NCOA2: variants seen among roughly 807,000 people sequenced by gnomAD.
NCOA2 encodes the protein class E basic helix-loop-helix protein 75.
Under a neutral mutation model 145.1 loss-of-function variants are expected in NCOA2, and 21 were observed. The ratio of observed to expected loss-of-function variants is 0.14; its 90% CI spans 0.10 to 0.21. The LOEUF is 0.21. NCOA2 is among the 10% of genes least tolerant of loss of function. The pLI, the probability that NCOA2 is intolerant of heterozygous loss-of-function variation, is 1.00. For synonymous variants in NCOA2, 619 were observed against 637.5 expected (o/e 0.97, Z 0.44); for missense variants, 1,472 against 1,837.6 (o/e 0.80, Z 3.64).
intron 2 of NCOA2, among the ~76,000 whole-genome samples, chr8:70,258,465 T>C (rs891534009): frequency 6.6e-6 from 1 of 151,624 alleles, no homozygotes; most frequent in Non-Finnish European, 1.5e-5. Context: ...TTATCTGCTA[T>C]TTTTTTTTCC....
At chr8:70,165,521 C>T (rs1322124922) in intron 7 of NCOA2, among the ~76,000 whole-genome samples, 2 of 152,166 alleles carry the variant, frequency 1.3e-5, no homozygotes, top group African/African-American at 2.4e-5. Context: ...CAGCTCTTTC[C>T]CTTCTGCTCC....
chr8:70,145,861 C>T (rs1811002419), intron 12 of NCOA2, among the ~76,000 whole-genome samples: 1 of 149,882 alleles, frequency 6.7e-6, no homozygotes, highest in South Asian at 2.1e-4. Context: ...AAACTTCTTG[C>T]CTCAAGTGAT....
Position 70,111,017 on chromosome 8 carries a change from T to C in NCOA2, c.*2615A>G, listed in dbSNP as rs60168250. 2 of 223,636 alleles carry C rather than the reference T, an allele frequency of 8.9e-6. No individual in the cohort carries two copies. The highest frequency in any genetic ancestry group is 4.5e-5 in the African/African-American group (2 of 44,854). The allele number at this position is 223,636 out of a possible 1,614,324, so 13.9% of individuals were successfully genotyped here. On this transcript the variant is annotated 3_prime_UTR_variant, in exon 23 of 23. Coordinates refer to ENST00000452400, the MANE Select transcript of NCOA2 (RefSeq NM_006540.4). ...TGATAATGAAGGGAACTGATTTGGC[T>C]TTTGCTTCTATAGTGATCAATATGA...
chr8:70,279,130 G>T (rs1161024565), intron 2 of NCOA2, among the ~76,000 whole-genome samples: 8 of 152,122 alleles, frequency 5.3e-5, no homozygotes, highest in Admixed American at 5.2e-4. Flanking sequence ...TATTTCTGCT[G>T]CACCTATGAG....
intron 4 of NCOA2, among the ~76,000 whole-genome samples, chr8:70,212,768 C>T (rs1819177532): frequency 6.6e-6 from 1 of 151,866 alleles, no homozygotes; most frequent in Non-Finnish European, 1.5e-5. Context: ...AAAATTTGAA[C>T]TCTAAGAGGA....
intron 1 of NCOA2, among the ~76,000 whole-genome samples, chr8:70,312,025 G>A (rs1037209003): frequency 1.3e-5 from 2 of 152,072 alleles, no homozygotes; most frequent in Non-Finnish European, 2.9e-5. Context: ...TAATTTTGAT[G>A]TGCATTAGGA....
Position 70,337,498 on chromosome 8 carries a change from T to C in NCOA2, c.-76-40698A>G, listed in dbSNP as rs533548367. ...CCTATACATAATAGCTGTGGGACCT[T>C]AGGCAAGTTACCCAGCCTCTGCGTA... On this transcript the variant is annotated intron_variant, in intron 1 of 22. Transcript: ENST00000452400. 2.2e-4 allele frequency among the ~76,000 whole-genome samples: 33 copies of C among 152,264 alleles called. No individual in the cohort carries two copies. In the South Asian group the frequency reaches 6.8e-3, roughly 32 times the overall value.
intron 11 of NCOA2, among the ~76,000 whole-genome samples, chr8:70,154,306 A>G (rs1245214286): frequency 1.3e-5 from 2 of 152,252 alleles, no homozygotes; most frequent in Non-Finnish European, 2.9e-5. Flanking sequence ...GGGCATATTC[A>G]GGGACTAGAG....
intron 22 of NCOA2, among the ~76,000 whole-genome samples, chr8:70,118,757 C>CG (rs1168959155): frequency 7.3e-5 from 11 of 149,774 alleles, no homozygotes; most frequent in African/African-American, 2.5e-4. Context: ...GGCATGATCT[C>CG]GGCTCACTAC....
At chr8:70,445,582 G>A in the NCOA2 span, among the ~76,000 whole-genome samples, 1 of 152,042 alleles carries the variant, frequency 6.6e-6, no homozygotes, top group South Asian at 2.1e-4. Flanking sequence ...AAGCCTAAAC[G>A]TGTTGCCCCA....
At chr8:70,449,925 G>A in the NCOA2 span, among the ~76,000 whole-genome samples, 3 of 152,232 alleles carry the variant, frequency 2.0e-5, no homozygotes, top group African/African-American at 7.2e-5. Context: ...GAAATGCAAC[G>A]AAGTAGCAAC....
At chr8:70,199,621 TA>T (rs1333002236) in intron 4 of NCOA2, among the ~76,000 whole-genome samples, 1 of 152,008 alleles carries the variant, frequency 6.6e-6, no homozygotes, top group Non-Finnish European at 1.5e-5. Context: ...TGCTGAACAG[TA>T]AACAGGAGTG....
chr8:70,162,493 T>C (rs1219494111), intron 9 of NCOA2, among the ~76,000 whole-genome samples: 3 of 152,244 alleles, frequency 2.0e-5, no homozygotes, highest in Non-Finnish European at 4.4e-5. Context: ...TCCTTTTGCC[T>C]GCCTCTGTGA....
chr8:70,170,130 A>G, intron 6 of NCOA2, 72 bp downstream of exon 6: 1 of 1,414,342 alleles, frequency 7.1e-7, no homozygotes, highest in Non-Finnish European at 9.8e-7. Flanking sequence ...ACTTCAACCA[A>G]GACACTGTGT....
At chr8:70,150,508 A>G (rs919556824) in intron 11 of NCOA2, among the ~76,000 whole-genome samples, 4 of 152,236 alleles carry the variant, frequency 2.6e-5, no homozygotes, top group African/African-American at 4.8e-5. Context: ...AAAACCCAGC[A>G]AAGTCATGTC....
At chr8:70,125,738 T>G (rs186626312) in intron 19 of NCOA2, among the ~76,000 whole-genome samples, 2 of 152,296 alleles carry the variant, frequency 1.3e-5, no homozygotes, top group African/African-American at 4.8e-5. Context: ...TCTGTGGTAC[T>G]TTAGGGCTAT....
intron 1 of NCOA2, chr8:70,402,229 A>C (rs932833677): frequency 6.6e-6 from 1 of 152,308 alleles, no homozygotes; most frequent in Non-Finnish European, 1.5e-5. Flanking sequence ...ACGCACCGAG[A>C]TTCGGGTCGG....
At chr8:70,448,546 T>C in the NCOA2 span, among the ~76,000 whole-genome samples, 33 of 152,260 alleles carry the variant, frequency 2.2e-4, no homozygotes, top group African/African-American at 7.9e-4. Flanking sequence ...AAGGTAGAAA[T>C]TGGCATCACG....
chr8:70,407,754 C>A (rs1452625954), upstream of NCOA2, among the ~76,000 whole-genome samples: 1 of 152,096 alleles, frequency 6.6e-6, no homozygotes, highest in East Asian at 1.9e-4. Context: ...CAAGATCGCA[C>A]CACTGCACTA....
Sources: allele counts gnomAD v4.1 joint callset (sites outside exome capture counted in the v4.1 genomes callset), GRCh38; gene constraint gnomAD v4.1.1; transcripts MANE v1.5; gene names NCBI Gene and HGNC (gene_info 2026-07-23, HGNC 2026-07-21).